KCNC2: variants seen among roughly 807,000 people sequenced by gnomAD.
The protein encoded by KCNC2 is voltage-gated potassium channel KCNC2.
KCNC2 carries 21 observed loss-of-function variants against 44.5 expected under a neutral mutation model. The observed-to-expected ratio is 0.47, with a 90% CI of 0.33 to 0.68. The LOEUF (loss-of-function observed/expected upper bound fraction) is 0.68, where lower values mean the gene tolerates loss of function less well. Among genes scored for constraint, KCNC2 ranks in the 30% least tolerant of loss-of-function variants. The pLI, the probability that KCNC2 is intolerant of heterozygous loss-of-function variation, is 0.01. For synonymous variants in KCNC2, 391 were observed against 339.1 expected, an observed-to-expected ratio of 1.15 and a Z score of -1.68; for missense variants, 589 against 826.2, an observed-to-expected ratio of 0.71 and a Z score of 3.52.
At position 75,082,065 on chromosome 12, in the gene KCNC2, G is replaced by A. The variant is rs189168784; in HGVS notation, c.688-30748C>T. On this transcript the variant is annotated intron_variant, in intron 2 of 4. Coordinates refer to ENST00000549446, the MANE Select transcript of KCNC2 (RefSeq NM_139137.4). ...CTAAGTTTACTCAAGATGTGCAAAAGAGGCACAATAGTACGTATTTCTTAC... is the reference window on the plus strand; with the variant it reads ...CTAAGTTTACTCAAGATGTGCAAAAAAGGCACAATAGTACGTATTTCTTAC... Among the ~76,000 whole-genome samples, 741 of 152,088 alleles carry A rather than the reference G, an allele frequency of 4.9e-3. 1 individual carries two copies. The highest frequency in any genetic ancestry group is 0.02 in the Middle Eastern group (6 of 294).
chr12:75,182,704 A>G (rs1427119766), intron 2 of KCNC2, among the ~76,000 whole-genome samples: 2 of 152,142 alleles, frequency 1.3e-5, no homozygotes, highest in Non-Finnish European at 2.9e-5. Context: ...TGCATATGTT[A>G]TGTTAACACC....
intron 4 of KCNC2, among the ~76,000 whole-genome samples, chr12:75,047,315 A>G (rs1022962275): frequency 1.3e-5 from 2 of 152,030 alleles, no homozygotes; most frequent in African/African-American, 4.8e-5. Context: ...AAAGTTTACC[A>G]AAAGGGAATA....
chr12:75,207,256 A>C lies in KCNC2; in HGVS notation c.687+41T>G. On this transcript the variant is annotated intron_variant, in intron 2 of 4. Coordinates refer to ENST00000549446, the MANE Select transcript of KCNC2 (RefSeq NM_139137.4). This position sits in a 1 kb window ranked among gnomAD's most constrained non-coding sequence, Gnocchi z 4.1. ...ACAGAAAGTTGGGGAGGGAGTTGGG[A>C]GAAGTTGAAGCAGCAGGGAAGGGGT... The C allele has an allele frequency of 6.6e-7, 1 of 1,508,524 alleles. No individual in the cohort carries two copies. Among genetic ancestry groups the C allele is most frequent in the Non-Finnish European group, 8.8e-7 (1 of 1,132,280 alleles). The allele number at this position is 1,508,524 out of a possible 1,614,324, so 93.4% of individuals were successfully genotyped here. A position where few individuals can be genotyped will look rare whatever the true frequency, so the allele number is the denominator to read the frequency against.
At chr12:75,181,479 A>G (rs761469647) in intron 2 of KCNC2, among the ~76,000 whole-genome samples, 18 of 152,094 alleles carry the variant, frequency 1.2e-4, no homozygotes, top group Non-Finnish European at 2.5e-4. Flanking sequence ...TCCTCCTACT[A>G]CTAAGTATAC....
At chr12:75,100,305 G>C (rs966015753) in intron 2 of KCNC2, among the ~76,000 whole-genome samples, 3 of 151,728 alleles carry the variant, frequency 2.0e-5, no homozygotes, top group Admixed American at 6.6e-5. Flanking sequence ...TCTAACCTTG[G>C]GTCTGGCCAC....
At chr12:75,100,147 C>T (rs115661019) in intron 2 of KCNC2, among the ~76,000 whole-genome samples, 2,408 of 152,136 alleles carry the variant, frequency 0.016, 67 homozygotes, top group African/African-American at 0.053. Context: ...GTTTCCCTTT[C>T]TAAAAATACA....
At chr12:75,095,795 A>G (rs1885871922) in intron 2 of KCNC2, among the ~76,000 whole-genome samples, 1 of 151,920 alleles carries the variant, frequency 6.6e-6, no homozygotes, top group African/African-American at 2.4e-5. Context: ...CATGTTCTTA[A>G]ATATTTGTTT....
chr12:75,084,474 T>G (rs1884825711), intron 2 of KCNC2, among the ~76,000 whole-genome samples: 1 of 151,942 alleles, frequency 6.6e-6, no homozygotes, highest in African/African-American at 2.4e-5. Context: ...TCTGGTGCTA[T>G]TCTCGTGATA....
chr12:75,171,569 A>C (rs561349550), intron 2 of KCNC2, among the ~76,000 whole-genome samples: 1 of 152,004 alleles, frequency 6.6e-6, no homozygotes, highest in African/African-American at 2.4e-5. Flanking sequence ...CATATGTGAA[A>C]GCTAAGGAAA....
At chr12:75,075,830 C>T (rs900116238) in intron 2 of KCNC2, among the ~76,000 whole-genome samples, 4 of 151,978 alleles carry the variant, frequency 2.6e-5, no homozygotes, top group Non-Finnish European at 5.9e-5. Context: ...TTTACAATGC[C>T]TCCTTTAGAA....
At chr12:75,109,231 A>T (rs1024635035) in intron 2 of KCNC2, among the ~76,000 whole-genome samples, 7 of 152,202 alleles carry the variant, frequency 4.6e-5, no homozygotes, top group African/African-American at 1.4e-4. Context: ...TTACAGAAAA[A>T]GTTGAAGATT....
At chr12:75,076,979 T>C (rs978716156) in intron 2 of KCNC2, among the ~76,000 whole-genome samples, 1 of 151,750 alleles carries the variant, frequency 6.6e-6, no homozygotes, top group African/African-American at 2.4e-5. Context: ...TTATTTGTTG[T>C]TTGTTTTCTA....
At chr12:75,056,683 T>C (rs1036119725) in intron 2 of KCNC2, among the ~76,000 whole-genome samples, 3 of 151,954 alleles carry the variant, frequency 2.0e-5, no homozygotes, top group African/African-American at 7.2e-5. Context: ...TACATTAAAG[T>C]ACAAGGATAG....
chr12:75,062,762 G>C (rs1198017033), intron 2 of KCNC2, among the ~76,000 whole-genome samples: 1 of 151,948 alleles, frequency 6.6e-6, no homozygotes, highest in Non-Finnish European at 1.5e-5. Flanking sequence ...AGAGACAACA[G>C]AAGGAAAGCT....
intron 2 of KCNC2, among the ~76,000 whole-genome samples, chr12:75,137,428 C>A (rs1889310599): frequency 6.6e-6 from 1 of 152,176 alleles, no homozygotes; most frequent in Admixed American, 6.5e-5. Flanking sequence ...TATATGTATA[C>A]ATATTTGTGT....
chr12:75,108,842 C>A (rs1015421775), intron 2 of KCNC2, among the ~76,000 whole-genome samples: 4 of 152,140 alleles, frequency 2.6e-5, no homozygotes, highest in African/African-American at 9.7e-5. Context: ...CTATCAAACA[C>A]AGCAATTCAA....
intron 2 of KCNC2, among the ~76,000 whole-genome samples, chr12:75,182,255 G>T (rs1339677960): frequency 6.6e-6 from 1 of 151,610 alleles, no homozygotes; most frequent in Non-Finnish European, 1.5e-5. Flanking sequence ...GCCGGGGGTG[G>T]TGGCTCACGC....
chr12:75,086,316 G>C (rs1343482491), intron 2 of KCNC2, among the ~76,000 whole-genome samples: 1 of 152,014 alleles, frequency 6.6e-6, no homozygotes, highest in African/African-American at 2.4e-5. Flanking sequence ...GTTCCTGGCT[G>C]TTGAGCCATC....
chr12:75,060,546 G>A (rs1445823287), intron 2 of KCNC2, among the ~76,000 whole-genome samples: 1 of 151,972 alleles, frequency 6.6e-6, no homozygotes, highest in South Asian at 2.1e-4. Flanking sequence ...GGTCATTGCA[G>A]CCTTGATCTC....
Sources: allele counts gnomAD v4.1 joint callset (sites outside exome capture counted in the v4.1 genomes callset), GRCh38; gene constraint gnomAD v4.1.1; non-coding constraint Gnocchi (gnomAD v3.1); transcripts MANE v1.5; gene names NCBI Gene and HGNC (gene_info 2026-07-23, HGNC 2026-07-21).